CFAP161: variants seen among roughly 807,000 people sequenced by gnomAD.
CFAP161 encodes cilia- and flagella-associated protein 161.
In CFAP161, 25 loss-of-function variants were observed where a neutral mutation model predicts 29.0. That is an observed-to-expected ratio of 0.86 (90% CI 0.63 to 1.20). The LOEUF (loss-of-function observed/expected upper bound fraction) is 1.20. Among genes scored for constraint, CFAP161 ranks in the 50% most tolerant of loss-of-function variants. The pLI, the probability that CFAP161 is intolerant of heterozygous loss-of-function variation, is 0.00. For synonymous variants in CFAP161, 116 were observed against 137.4 expected, an observed-to-expected ratio of 0.84 and a Z score of 1.09; for missense variants, 367 against 371.9, an observed-to-expected ratio of 0.99 and a Z score of 0.11.
rs1353031020 is a variant in CFAP161, at chr15:81,136,620, G to A, written c.264G>A (p.Gly88=). ...PDTEADVFLR[G]DLSLCMTPDE... is the part of the protein sequence containing the mutation. ...CAGAAGCTGATGTGTTTCTGCGTGGGGACCTGAGCCTGTGTATGACTCCAG... is the reference window on the plus strand; with the variant it reads ...CAGAAGCTGATGTGTTTCTGCGTGGAGACCTGAGCCTGTGTATGACTCCAG... Residue 88 remains glycine (G), a synonymous_variant, in exon 3 of 7, where the codon GGG becomes GGA. Transcript: ENST00000286732. 2.5e-6 allele frequency: 4 copies of A among 1,614,132 alleles called. No individual in the cohort carries two copies. The highest frequency in any genetic ancestry group is 1.3e-5 in the African/African-American group (1 of 75,012).
intron 1 of CFAP161, among the ~76,000 whole-genome samples, chr15:81,105,078 CT>C (rs1197915292): frequency 6.7e-6 from 1 of 148,794 alleles, no homozygotes; most frequent in Non-Finnish European, 1.5e-5. Flanking sequence ...AATTTTTTGT[CT>C]TTCTTTTCTT....
At chr15:81,145,751 G>A (rs1894996112) in intron 5 of CFAP161, among the ~76,000 whole-genome samples, 1 of 152,218 alleles carries the variant, frequency 6.6e-6, no homozygotes, top group South Asian at 2.1e-4. Flanking sequence ...TGGTTTAACA[G>A]GTTGGGTAGA....
intron 1 of CFAP161, among the ~76,000 whole-genome samples, chr15:81,114,662 T>G (rs943636940): frequency 3.3e-5 from 5 of 151,978 alleles, no homozygotes; most frequent in Non-Finnish European, 5.9e-5. Context: ...GACGAGGGTT[T>G]TTGTTTGTTT....
intron 4 of CFAP161, among the ~76,000 whole-genome samples, chr15:81,141,454 T>G (rs1032363050): frequency 6.6e-6 from 1 of 152,192 alleles, no homozygotes; most frequent in East Asian, 1.9e-4. Flanking sequence ...TTCAGTTGAT[T>G]TTTTTATGTT....
intron 1 of CFAP161, among the ~76,000 whole-genome samples, chr15:81,104,061 G>A (rs1262286347): frequency 1.3e-5 from 2 of 152,158 alleles, no homozygotes; most frequent in Non-Finnish European, 2.9e-5. Flanking sequence ...GAAAATAGAG[G>A]CACAGAGAGG....
chr15:81,106,009 A>G (rs572864832), intron 1 of CFAP161, among the ~76,000 whole-genome samples: 1 of 152,218 alleles, frequency 6.6e-6, no homozygotes, highest in Non-Finnish European at 1.5e-5. Context: ...CACTAGTCCA[A>G]GTTGCTCATT....
intron 4 of CFAP161, among the ~76,000 whole-genome samples, chr15:81,139,666 T>G (rs1398223827): frequency 6.6e-6 from 1 of 152,178 alleles, no homozygotes; most frequent in Non-Finnish European, 1.5e-5. Flanking sequence ...ATATTTCTCT[T>G]TTATATGTAA....
chr15:81,125,059 A>G (rs1894623164), intron 1 of CFAP161, among the ~76,000 whole-genome samples: 1 of 151,740 alleles, frequency 6.6e-6, no homozygotes, highest in Non-Finnish European at 1.5e-5. Flanking sequence ...AACATAACAT[A>G]ACTTTAAGAT....
chr15:81,101,422 G>T lies in CFAP161; in HGVS notation c.-141-26168G>T, dbSNP rs963124668. ...GGCACCTGTAATCCCGGCTACTTGGGAGGCTGAGGCGGGATAATCACTTGA... is the reference window on the plus strand; with the variant it reads ...GGCACCTGTAATCCCGGCTACTTGGTAGGCTGAGGCGGGATAATCACTTGA... On this transcript the variant is annotated intron_variant, in intron 1 of 4. Transcript: ENST00000560091. 2.6e-5 allele frequency among the ~76,000 whole-genome samples: 4 copies of T among 151,170 alleles called. No homozygotes were observed. In the South Asian group the frequency reaches 8.4e-4, roughly 32 times the overall value.
intron 4 of CFAP161, among the ~76,000 whole-genome samples, chr15:81,142,428 A>T (rs1318192087): frequency 6.6e-6 from 1 of 152,056 alleles, no homozygotes; most frequent in Non-Finnish European, 1.5e-5. Context: ...TTGCTGTGGC[A>T]TTTGAGGCCT....
chr15:81,148,658 T>C lies in CFAP161; in HGVS notation c.*125T>C. On this transcript the variant is annotated 3_prime_UTR_variant, in exon 7 of 7. Coordinates refer to ENST00000286732, the MANE Select transcript of CFAP161 (RefSeq NM_173528.4). ...CAGATGTGGGACTCTCTGGGCACTA[T>C]ATTAAAATAAAGATTACATTAAGAT... 1.2e-6 allele frequency: 1 copy of C among 813,548 alleles called. No individual in the cohort carries two copies. The highest frequency in any genetic ancestry group is 1.8e-6 in the Non-Finnish European group (1 of 564,636). 50.4% of individuals were successfully genotyped at this position (813,548 alleles called of 1,614,324 possible).
At chr15:81,114,622 A>G (rs765588946) in intron 1 of CFAP161, among the ~76,000 whole-genome samples, 3 of 152,204 alleles carry the variant, frequency 2.0e-5, no homozygotes, top group Non-Finnish European at 4.4e-5. Context: ...GTCATAGTAA[A>G]CTAAGTGCAT....
intron 1 of CFAP161, among the ~76,000 whole-genome samples, chr15:81,120,212 C>CA (rs2141868347): frequency 6.6e-6 from 1 of 152,250 alleles, no homozygotes; most frequent in Admixed American, 6.5e-5. Flanking sequence ...TAATCAGACA[C>CA]ATGAAGGGTA....
At chr15:81,135,093 A>G (rs1405277317) in intron 1 of CFAP161, among the ~76,000 whole-genome samples, 177 bp from the exon 2 acceptor site, 1 of 152,206 alleles carries the variant, frequency 6.6e-6, no homozygotes, top group Non-Finnish European at 1.5e-5. Flanking sequence ...TAAACATTCT[A>G]TAATGTAGTA....
intron 1 of CFAP161, among the ~76,000 whole-genome samples, chr15:81,112,253 T>G (rs1454955927): frequency 6.6e-6 from 1 of 152,162 alleles, no homozygotes; most frequent in Non-Finnish European, 1.5e-5. Flanking sequence ...ACAAGAACTT[T>G]TAAACTTTCC....
intron 5 of CFAP161, among the ~76,000 whole-genome samples, chr15:81,147,028 C>A (rs556811762): frequency 6.6e-6 from 1 of 151,466 alleles, no homozygotes; most frequent in South Asian, 2.1e-4. Flanking sequence ...AAGGACAGAA[C>A]TAAAAAGTCA....
intron 2 of CFAP161, among the ~76,000 whole-genome samples, chr15:81,135,913 C>G (rs937951973): frequency 6.6e-6 from 1 of 152,100 alleles, no homozygotes; most frequent in Non-Finnish European, 1.5e-5. Context: ...ACCCAGACAT[C>G]CCATTACTGG....
chr15:81,112,405 G>A (rs1348648933), intron 1 of CFAP161, among the ~76,000 whole-genome samples: 2 of 151,954 alleles, frequency 1.3e-5, no homozygotes, highest in Non-Finnish European at 2.9e-5. Flanking sequence ...AGTAATGAAA[G>A]GCTCCAATTA....
rs1377390680 is a variant in CFAP161 at position 81,137,836 on chromosome 15, C to A, written c.393-215C>A. Reference sequence around the variant, plus strand: ...TCACAAAGTGGGGATGCTTTGTGTGCTAGCTATGGTGCAGGGCAGGGAGTA... The same window carrying A: ...TCACAAAGTGGGGATGCTTTGTGTGATAGCTATGGTGCAGGGCAGGGAGTA... On this transcript the variant is annotated intron_variant, in intron 3 of 6. Coordinates refer to ENST00000286732, the MANE Select transcript of CFAP161 (RefSeq NM_173528.4). 2.0e-5 allele frequency among the ~76,000 whole-genome samples: 3 copies of A among 152,250 alleles called. No individual in the cohort carries two copies. The East Asian group carries it at 5.8e-4, about 29-fold the overall frequency.
Sources: allele counts gnomAD v4.1 joint callset (sites outside exome capture counted in the v4.1 genomes callset), GRCh38; gene constraint gnomAD v4.1.1; transcripts MANE v1.5; gene names NCBI Gene and HGNC (gene_info 2026-07-23, HGNC 2026-07-21).